The following KLB variants were observed in gnomAD, a reference collection of about 807,000 sequenced individuals.
The protein encoded by KLB is klotho beta, also known as beta-klotho.
In KLB, 44 loss-of-function variants were observed where a neutral mutation model predicts 88.4. The ratio of observed to expected loss-of-function variants is 0.50; its 90% CI spans 0.39 to 0.64. The LOEUF (loss-of-function observed/expected upper bound fraction) is 0.64, where lower values mean the gene tolerates loss of function less well. Among genes scored for constraint, KLB ranks in the 30% least tolerant of loss-of-function variants. The pLI is 0.00. For synonymous variants in KLB, 548 were observed against 513.4 expected (o/e 1.07, Z -0.91); for missense variants, 1,137 against 1,304.8 (o/e 0.87, Z 1.98).
At chr4:39,438,215 G>A (rs1264672952) in intron 3 of KLB, among the ~76,000 whole-genome samples, 1 of 152,190 alleles carries the variant, frequency 6.6e-6, no homozygotes, top group East Asian at 1.9e-4. Flanking sequence ...TGGAGATGGA[G>A]AGGTGAAGAG....
At chr4:39,442,728 C>G (rs1006890812) in intron 3 of KLB, among the ~76,000 whole-genome samples, 3 of 152,060 alleles carry the variant, frequency 2.0e-5, no homozygotes, top group Non-Finnish European at 4.4e-5. Flanking sequence ...CCACTGCACC[C>G]GGCCTCTGCC....
intron 4 of KLB, among the ~76,000 whole-genome samples, chr4:39,447,941 C>A (rs932363221): frequency 2.0e-5 from 3 of 152,198 alleles, no homozygotes; most frequent in Non-Finnish European, 4.4e-5. Context: ...TGGGCTGCAC[C>A]AAGAGCACAT....
intron 1 of KLB, among the ~76,000 whole-genome samples, chr4:39,424,442 C>G (rs1310091212): frequency 1.3e-5 from 2 of 151,544 alleles, no homozygotes; most frequent in Non-Finnish European, 2.9e-5. Context: ...AACTGCTCAC[C>G]TAGAAATGCT....
At chr4:39,412,117 A>G (rs1329926765) in intron 1 of KLB, 1 of 152,020 alleles carries the variant, frequency 6.6e-6, no homozygotes, top group Non-Finnish European at 1.5e-5. Context: ...GATACAATGT[A>G]TACTCCTCTG....
Position 39,407,038 on chromosome 4 carries a change from T to A in KLB, c.89T>A (p.Met30Lys), listed in dbSNP as rs372258323. 4 of 1,613,978 alleles carry A rather than the reference T, an allele frequency of 2.5e-6. No homozygotes were observed. The highest frequency in any genetic ancestry group is 2.7e-5 in the African/African-American group (2 of 74,934). ...ATAACCACACGCTATAGGAATACAATGTCCAACGGGGGATTGCAAAGATCT... is the reference window on the plus strand; with the variant it reads ...ATAACCACACGCTATAGGAATACAAAGTCCAACGGGGGATTGCAAAGATCT... ...DEITTRYRNT[M>K]SNGGLQRSVI... is the part of the protein sequence containing the mutation. The change falls in exon 1 of 5, where the codon ATG becomes AAG. Residue 30 changes from methionine (M) to lysine (K), a missense_variant. Physicochemically the swap from Met to Lys is moderately conservative, Grantham distance 95 (BLOSUM62 -1). Around this residue, in one of 4 missense-constraint regions of KLB, gnomAD observed 111 missense variants for 118.3 expected, o/e 0.94. Coordinates refer to ENST00000257408, the MANE Select transcript of KLB (RefSeq NM_175737.4).
At chr4:39,419,870 G>A (rs1035719557) in intron 1 of KLB, among the ~76,000 whole-genome samples, 2 of 148,450 alleles carry the variant, frequency 1.3e-5, no homozygotes, top group Admixed American at 6.8e-5. Context: ...CTTGAACCTG[G>A]GAGGCGGAGG....
chr4:39,415,659 A>G (rs1449464875), intron 1 of KLB, among the ~76,000 whole-genome samples: 2 of 152,196 alleles, frequency 1.3e-5, no homozygotes, highest in Non-Finnish European at 2.9e-5. Flanking sequence ...TATTCTATTA[A>G]TGTTTTAAAT....
At position 39,447,061 on chromosome 4, in the gene KLB, A is replaced by G. The variant is rs1279256262; in HGVS notation, c.2335A>G (p.Thr779Ala). The change falls in exon 4 of 5, where the codon ACC becomes GCC. Residue 779 changes from threonine to alanine, a missense_variant. Physicochemically the swap from Thr to Ala is moderately conservative, Grantham distance 58. Transcript: ENST00000257408. ...IAWFAEPLFK[T>A]GDYPAAMREY... ...CTGGTTCGCCGAGCCGCTCTTCAAG[A>G]CCGGGGACTACCCCGCGGCCATGAG... The G allele has an allele frequency of 6.2e-7, 1 of 1,612,726 alleles. No individual in the cohort carries two copies. The highest frequency in any genetic ancestry group is 1.7e-5 in the Admixed American group (1 of 60,020).
rs1349529955 is a variant in KLB at position 39,434,677 on chromosome 4, G to T, written c.1293G>T (p.Thr431=). The T allele has an allele frequency of 1.2e-6, 2 of 1,613,888 alleles. No individual in the cohort carries two copies. Among genetic ancestry groups the T allele is most frequent in the Middle Eastern group, 3.3e-4 (2 of 6,062 alleles). Residue 431 remains threonine, a synonymous_variant, in exon 2 of 5, where the codon ACG becomes ACT. Transcript: ENST00000257408. The part of the protein sequence containing the change: ...TDSRVKTEDT[T]AIYMMKNFLS... Reference sequence around the variant, plus strand: ...GTCGTGTGAAAACAGAAGACACCACGGCCATCTACATGATGAAGAATTTCC... The same window carrying T: ...GTCGTGTGAAAACAGAAGACACCACTGCCATCTACATGATGAAGAATTTCC...
intron 2 of KLB, among the ~76,000 whole-genome samples, chr4:39,436,930 G>A (rs182777896): frequency 1.5e-3 from 235 of 152,120 alleles, no homozygotes; most frequent in East Asian, 4.6e-3. Context: ...GGCTGGTCTC[G>A]AACTCCTGAC....
At chr4:39,430,906 G>C (rs541458210) in intron 1 of KLB, among the ~76,000 whole-genome samples, 1 of 129,580 alleles carries the variant, frequency 7.7e-6, no homozygotes, top group Non-Finnish European at 1.7e-5. Flanking sequence ...CACTGCTCCC[G>C]GTTGGAAAGT....
intron 1 of KLB, among the ~76,000 whole-genome samples, chr4:39,428,892 G>A (rs1262470986): frequency 1.3e-5 from 2 of 152,048 alleles, no homozygotes; most frequent in African/African-American, 2.4e-5. Flanking sequence ...ATTTTTAGTA[G>A]AGACAGGGTC....
rs769711991 is a variant in KLB at position 39,446,407 on chromosome 4, T to C, written c.1681T>C (p.Leu561=). 6.2e-7 allele frequency: 1 copy of C among 1,614,174 alleles called. No homozygotes were observed. The highest frequency in any genetic ancestry group is 8.5e-7 in the Non-Finnish European group (1 of 1,180,028). Residue 561 remains leucine (L), a synonymous_variant, in exon 4 of 5, where the codon TTG becomes CTG. Transcript: ENST00000257408. This position sits in a 1 kb window ranked among gnomAD's most constrained non-coding sequence, Gnocchi z 6.4. ...YVWNATGNRL[L]HRVEGVRLKT... is the part of the protein sequence containing the mutation. The stretch of plus-strand genomic sequence containing the variant: ...GTGGAACGCCACTGGCAACAGACTG[T>C]TGCACCGAGTGGAAGGGGTGAGGCT...
intron 1 of KLB, among the ~76,000 whole-genome samples, chr4:39,431,424 T>C (rs1347455037): frequency 1.3e-5 from 2 of 152,054 alleles, no homozygotes; most frequent in Non-Finnish European, 2.9e-5. Flanking sequence ...GCTAATTTTG[T>C]ATTTTTAGTA....
Position 39,446,394 on chromosome 4 carries a change from T to C in KLB, c.1668T>C (p.Thr556=). Residue 556 remains threonine (T), a synonymous_variant, in exon 4 of 5, where the codon ACT becomes ACC. Transcript: ENST00000257408. The surrounding 1 kb of genome is among the most constrained non-coding windows in gnomAD (Gnocchi z 6.4). ...SDPHLYVWNA[T]GNRLLHRVEG... is the part of the protein sequence containing the mutation. ...CTCATCTGTACGTGTGGAACGCCACTGGCAACAGACTGTTGCACCGAGTGG... is the reference window on the plus strand; with the variant it reads ...CTCATCTGTACGTGTGGAACGCCACCGGCAACAGACTGTTGCACCGAGTGG... The C allele has an allele frequency of 6.2e-7, 1 of 1,614,110 alleles. No homozygotes were observed. Among genetic ancestry groups the C allele is most frequent in the South Asian group, 1.1e-5 (1 of 91,082 alleles).
In KLB at chr4:39,407,607, G is replaced by C; in HGVS notation, c.658G>C (p.Asp220His). The C allele has an allele frequency of 6.2e-7, 1 of 1,614,120 alleles. No individual in the cohort carries two copies. Residue 220 changes from aspartate (D) to histidine (H), a missense_variant, in exon 1 of 5, where the codon GAC becomes CAC. Asp to His is a moderately conservative substitution (Grantham distance 81). Around this residue, in one of 4 missense-constraint regions of KLB, gnomAD observed 597 missense variants for 765.2 expected, o/e 0.78. Transcript: ENST00000257408. The stretch of plus-strand genomic sequence containing the variant: ...TGATACCATAATAGATATCTTCAAT[G>C]ACTATGCCACATACTGTTTCCAGAT... ...KNDTIIDIFN[D>H]YATYCFQMFG...
At chr4:39,445,239 C>CGTCACTA (rs1475409899) in intron 3 of KLB, among the ~76,000 whole-genome samples, 2 of 152,030 alleles carry the variant, frequency 1.3e-5, no homozygotes, top group South Asian at 4.2e-4. Context: ...GCGATTACTC[C>CGTCACTA]GTCACTATAT....
chr4:39,407,350 T>C lies in KLB; in HGVS notation c.401T>C (p.Leu134Pro). Residue 134 changes from leucine (L) to proline (P), a missense_variant, in exon 1 of 5, where the codon CTG becomes CCG. By Grantham distance (98) the Leu-to-Pro change is moderately conservative. Transcript: ENST00000257408. ...GGTTCCAGTGACAGTTATATTTTTC[T>C]GGAAAAAGACTTATCAGCCCTGGAT... ...TNGSSDSYIF[L>P]EKDLSALDFI... 6.2e-7 allele frequency: 1 copy of C among 1,614,212 alleles called. No individual in the cohort carries two copies. The highest frequency in any genetic ancestry group is 8.5e-7 in the Non-Finnish European group (1 of 1,180,030).
At chr4:39,414,701 T>C (rs1460092361) in intron 1 of KLB, among the ~76,000 whole-genome samples, 4 of 151,426 alleles carry the variant, frequency 2.6e-5, no homozygotes, top group Non-Finnish European at 4.4e-5. Flanking sequence ...AAACCCCATC[T>C]CTACTAAAAA....
Sources: allele counts gnomAD v4.1 joint callset (sites outside exome capture counted in the v4.1 genomes callset), GRCh38; gene constraint gnomAD v4.1.1; regional missense constraint gnomAD v4.1.1; non-coding constraint Gnocchi (gnomAD v3.1); transcripts MANE v1.5; gene names NCBI Gene and HGNC (gene_info 2026-07-23, HGNC 2026-07-21).